The following STK33 variants were observed in gnomAD, a reference collection of about 807,000 sequenced individuals.
STK33 encodes the protein serine/threonine-protein kinase 33.
Under a neutral mutation model 58.0 loss-of-function variants are expected in STK33, and 52 were observed. The ratio of observed to expected loss-of-function variants is 0.90; its 90% confidence interval spans 0.72 to 1.13. The LOEUF (loss-of-function observed/expected upper bound fraction) is 1.13, where lower values mean the gene tolerates loss of function less well. STK33 is among the 50% of genes most tolerant of loss of function. The pLI is 0.00. For missense variants in STK33, 630 were observed against 604.2 expected (o/e 1.04, Z -0.45); for synonymous variants, 215 against 200.1 (o/e 1.07, Z -0.63).
At chr11:8,401,248 A>G (rs549753107) in intron 15 of STK33, among the ~76,000 whole-genome samples, 1 of 152,338 alleles carries the variant, frequency 6.6e-6, no homozygotes, top group Non-Finnish European at 1.5e-5. Context: ...CCAAAACAGC[A>G]TGGTACTGGT....
the STK33 span, among the ~76,000 whole-genome samples, chr11:8,379,555 TA>T: frequency 6.6e-6 from 1 of 152,170 alleles, no homozygotes; most frequent in South Asian, 2.1e-4. Flanking sequence ...TCAACATCAC[TA>T]ATCAACAGGG....
At chr11:8,376,667 G>A in the STK33 span, among the ~76,000 whole-genome samples, 1 of 152,000 alleles carries the variant, frequency 6.6e-6, no homozygotes, top group Non-Finnish European at 1.5e-5. Context: ...TCAGCCTCCT[G>A]AGTAGCTGGG....
intron 1 of STK33, among the ~76,000 whole-genome samples, chr11:8,494,295 A>C (rs1402510766): frequency 6.6e-6 from 1 of 152,210 alleles, no homozygotes; most frequent in Non-Finnish European, 1.5e-5. Flanking sequence ...ACATTCCTAT[A>C]CACCAATAAC....
At chr11:8,420,395 T>C (rs1401659625) in intron 14 of STK33, among the ~76,000 whole-genome samples, 1 of 152,204 alleles carries the variant, frequency 6.6e-6, no homozygotes, top group Non-Finnish European at 1.5e-5. Flanking sequence ...AATATTCCTA[T>C]TCTTCAGGAG....
At chr11:8,525,161 A>AT (rs1953919416) in intron 1 of STK33, among the ~76,000 whole-genome samples, 1 of 152,198 alleles carries the variant, frequency 6.6e-6, no homozygotes, top group African/African-American at 2.4e-5. Context: ...AAGATTCAGT[A>AT]TTTTTTAAAT....
At chr11:8,448,206 T>C (rs190766297) in intron 11 of STK33, among the ~76,000 whole-genome samples, 11 of 152,144 alleles carry the variant, frequency 7.2e-5, no homozygotes, top group East Asian at 3.9e-4. Context: ...GGCCATACTG[T>C]CCAAGGTAAT....
chr11:8,363,037 T>TCA, the STK33 span, among the ~76,000 whole-genome samples: 1 of 152,112 alleles, frequency 6.6e-6, no homozygotes, highest in Non-Finnish European at 1.5e-5. Context: ...GAGCTTGGGC[T>TCA]CCAGGGTGGA....
intron 1 of STK33, among the ~76,000 whole-genome samples, chr11:8,547,434 G>A (rs184548424): frequency 2.3e-4 from 35 of 152,252 alleles, no homozygotes; most frequent in Admixed American, 7.2e-4. Flanking sequence ...GGCTGGTCTC[G>A]AACTCCTGAC....
chr11:8,431,876 T>G (rs556906448), intron 14 of STK33, among the ~76,000 whole-genome samples: 3 of 152,214 alleles, frequency 2.0e-5, no homozygotes, highest in Non-Finnish European at 4.4e-5. Context: ...TTCAAGCTTC[T>G]TATCTGCCAG....
chr11:8,363,460 C>T, the STK33 span, among the ~76,000 whole-genome samples: 2 of 152,168 alleles, frequency 1.3e-5, no homozygotes, highest in Admixed American at 6.5e-5. Context: ...GTTAGTACCC[C>T]CACCTCCCCC....
At chr11:8,493,204 G>C (rs368866060) in intron 1 of STK33, among the ~76,000 whole-genome samples, 1 of 152,140 alleles carries the variant, frequency 6.6e-6, no homozygotes, top group South Asian at 2.1e-4. Context: ...CCGCTAGCAA[G>C]ACTAATAAAG....
chr11:8,417,234 A>T (rs911232959), intron 14 of STK33, among the ~76,000 whole-genome samples: 1 of 152,214 alleles, frequency 6.6e-6, no homozygotes, highest in Non-Finnish European at 1.5e-5. Context: ...ATCTGAAGCT[A>T]TCACAGGTAG....
chr11:8,439,869 T>TATATATATATATATA (rs1554930119), intron 12 of STK33, among the ~76,000 whole-genome samples: 1 of 107,274 alleles, frequency 9.3e-6, no homozygotes, highest in Non-Finnish European at 1.9e-5. Context: ...TATATTATAA[T>TATATATATATATATA]TATATATATA....
At chr11:8,590,404 G>A (rs2032406597) in intron 1 of STK33, among the ~76,000 whole-genome samples, 1 of 139,036 alleles carries the variant, frequency 7.2e-6, no homozygotes, top group Non-Finnish European at 1.6e-5. Flanking sequence ...AGTCAATATT[G>A]TTTACTAAAT....
chr11:8,581,065 A>C (rs2030117846), intron 1 of STK33: 1 of 152,088 alleles, frequency 6.6e-6, no homozygotes, highest in African/African-American at 2.4e-5. Context: ...TTCTCAGCCA[A>C]GCAAAGGTAT....
chr11:8,492,288 G>A (rs1055733911), intron 1 of STK33, among the ~76,000 whole-genome samples: 1 of 151,950 alleles, frequency 6.6e-6, no homozygotes, highest in Non-Finnish European at 1.5e-5. Context: ...AAAAGCAGGG[G>A]TTGCAATCCT....
At chr11:8,479,431 C>CAAA (rs777089382) in intron 2 of STK33, among the ~76,000 whole-genome samples, 1 of 104,252 alleles carries the variant, frequency 9.6e-6, no homozygotes, top group East Asian at 2.5e-4. Flanking sequence ...GACTCCGTCT[C>CAAA]AAAAAAAAAA....
chr11:8,346,913 A>T, the STK33 span, among the ~76,000 whole-genome samples: 5 of 152,220 alleles, frequency 3.3e-5, no homozygotes, highest in Non-Finnish European at 5.9e-5. Flanking sequence ...GATTTTATAC[A>T]TTCAAGATGT....
In STK33 at chr11:8,474,800, G is replaced by A. The variant is rs1446276760; in HGVS notation, c.106C>T (p.Pro36Ser). The change falls in exon 5 of 16, where the codon CCA becomes TCA. Residue 36 changes from proline to serine, a missense_variant. Physicochemically the swap from Pro to Ser is moderately conservative, Grantham distance 74. Transcript: ENST00000687296. Reference sequence around the variant, plus strand: ...TGTGACATTTCCACCACCAAAACTGGAGGAACCCTTGTTTTGCTGGAACAT... The same window carrying A: ...TGTGACATTTCCACCACCAAAACTGAAGGAACCCTTGTTTTGCTGGAACAT... The part of the protein sequence containing the change: ...CVCSSKTRVP[P>S]VLVVEMSQTS... The A allele has an allele frequency of 1.2e-6, 2 of 1,613,284 alleles. No individual in the cohort carries two copies. The highest frequency in any genetic ancestry group is 8.5e-7 in the Non-Finnish European group (1 of 1,179,728).
Sources: allele counts gnomAD v4.1 joint callset (sites outside exome capture counted in the v4.1 genomes callset), GRCh38; gene constraint gnomAD v4.1.1; transcripts MANE v1.5; gene names NCBI Gene and HGNC (gene_info 2026-07-23, HGNC 2026-07-21).